Variants in LMNTD2 observed in about 807,000 individuals in gnomAD.
LMNTD2 encodes the protein lamin tail domain containing 2.
In LMNTD2, 83 loss-of-function variants were observed where a neutral mutation model predicts 70.1. That is an observed-to-expected ratio of 1.18 (90% CI 0.99 to 1.42). LMNTD2 has a LOEUF of 1.42. Ranked by LOEUF, LMNTD2 falls within the 40% of genes most tolerant of loss-of-function variation. The pLI is 0.00. For missense variants in LMNTD2, 1,153 were observed against 905.9 expected, an observed-to-expected ratio of 1.27 and a Z score of -3.50; for synonymous variants, 534 against 406.1, an observed-to-expected ratio of 1.31 and a Z score of -3.79.
At position 554,985 on chromosome 11, in the gene LMNTD2, C is replaced by T; in HGVS notation, c.1900G>A (p.Ala634Thr). The T allele has an allele frequency of 6.3e-7, 1 of 1,580,064 alleles. No individual in the cohort carries two copies. The highest frequency in any genetic ancestry group is 8.6e-7 in the Non-Finnish European group (1 of 1,167,018). ...CCGGCCCCACTCCTCCGCCCCTAGGCGCCGCGGCAGGTGTCCGCGGTGACC... is the reference window on the plus strand; with the variant it reads ...CCGGCCCCACTCCTCCGCCCCTAGGTGCCGCGGCAGGTGTCCGCGGTGACC... ...LPVTADTCRG[A>T] Residue 634 changes from alanine to threonine, a missense_variant, in exon 14 of 14, where the codon GCC (alanine) becomes ACC (threonine). Physicochemically the swap from Ala to Thr is moderately conservative, Grantham distance 58 (BLOSUM62 0). Transcript: ENST00000329451.
In LMNTD2 at chr11:556,050, A is replaced by G. The variant is rs781579441; in HGVS notation, c.1323T>C (p.Val441=). Residue 441 remains valine (V), a synonymous_variant, in exon 11 of 14, where the codon GTT becomes GTC. Transcript: ENST00000329451. Reference sequence around the variant, plus strand: ...CGCAGCCGCGGATGGAGAGGAGGGGAACGGGCTCCCGGCTCGAGGACGCGC... The same window carrying G: ...CGCAGCCGCGGATGGAGAGGAGGGGGACGGGCTCCCGGCTCGAGGACGCGC... ...PLRASSSREP[V]PLLSIRGCAT... is the part of the protein sequence containing the mutation. The G allele has an allele frequency of 3.9e-6, 6 of 1,552,646 alleles. No individual in the cohort carries two copies. Among genetic ancestry groups the G allele is most frequent in the Non-Finnish European group, 5.2e-6 (6 of 1,160,208 alleles).
At chr11:560,267 G>A (rs948502095) in intron 1 of LMNTD2, 6 of 1,010,068 alleles carry the variant, frequency 5.9e-6, no homozygotes, top group Non-Finnish European at 7.1e-6. Context: ...GGCCCTGGGC[G>A]GGACAGTAGG....
Position 555,077 on chromosome 11 carries a change from AG to A in LMNTD2, c.1807del (p.Leu603TrpfsTer69). 3 of 1,559,360 alleles carry A rather than the reference AG, an allele frequency of 1.9e-6. No homozygotes were observed. Among genetic ancestry groups the A allele is most frequent in the Non-Finnish European group, 8.6e-7 (1 of 1,156,240 alleles). On this transcript the variant is annotated frameshift_variant, in exon 14 of 14. Coordinates refer to ENST00000329451, the MANE Select transcript of LMNTD2 (RefSeq NM_173573.3). LOFTEE classifies it low-confidence loss of function (END_TRUNC). ...CGTGTTCTGCACCGACAGGGCCACC[AG>A]GGGGCAGCTACGGTCCACGCTCTTC... is the stretch of plus-strand genomic sequence containing the variant. ...CRKSVDRSCP[L>X]VALSVQNTAE...
rs1454621781 is a variant in LMNTD2, at chr11:556,432, C to T, written c.1074-57G>A. ...CGGCCGGTCCACCCGCACAGCTGCG[C>T]GCCCCGCCCGGAAACCAGCTCCAGT... On this transcript the variant is annotated intron_variant, in intron 9 of 13. Coordinates refer to ENST00000329451, the MANE Select transcript of LMNTD2 (RefSeq NM_173573.3). The T allele has an allele frequency of 3.9e-6, 6 of 1,545,150 alleles. No homozygotes were observed. The East Asian group carries it at 1.2e-4, about 32-fold the overall frequency.
In LMNTD2 at chr11:556,344, A is replaced by C; in HGVS notation, c.1105T>G (p.Cys369Gly). The C allele has an allele frequency of 6.5e-7, 1 of 1,536,036 alleles. No homozygotes were observed. Residue 369 changes from cysteine to glycine, a missense_variant, in exon 10 of 14, where the codon TGC (cysteine) becomes GGC (glycine). By Grantham distance (159) the Cys-to-Gly change is radical. Transcript: ENST00000329451. ...AAGATGCGGACGAACTTCTCCCGGC[A>C]GCTCACAGCCACGATCTTCAGGCCT... is the stretch of plus-strand genomic sequence containing the variant. ...PTGLKIVAVS[C>G]REKFVRIFNP...
At chr11:558,816 C>G in intron 2 of LMNTD2, 40 bp downstream of exon 2, 1 of 1,596,610 alleles carries the variant, frequency 6.3e-7, no homozygotes, top group Non-Finnish European at 8.6e-7. Flanking sequence ...CCCTGGCCAC[C>G]TGGCCCAGGA....
Position 558,732 on chromosome 11 carries a change from G to A in LMNTD2, c.193C>T (p.Arg65Trp), listed in dbSNP as rs761856249. 4.8e-5 allele frequency: 77 copies of A among 1,608,260 alleles called. No individual in the cohort carries two copies. Among genetic ancestry groups the A allele is most frequent in the Non-Finnish European group, 2.7e-5 (32 of 1,178,148 alleles). The change falls in exon 3 of 14, where the codon CGG (arginine) becomes TGG (tryptophan). Residue 65 changes from arginine (R) to tryptophan (W), a missense_variant. Physicochemically the swap from Arg to Trp is moderately radical, Grantham distance 101 (BLOSUM62 -3). Transcript: ENST00000329451. ...AGTTCTCGCTGTCTCCACAGCAGCCGCAGTGTGCGAGGGTCCAGGGACTCA... is the reference window on the plus strand; with the variant it reads ...AGTTCTCGCTGTCTCCACAGCAGCCACAGTGTGCGAGGGTCCAGGGACTCA... ...ALESLDPRTLRLLWRQRELEI... is the reference protein window; with the variant it reads ...ALESLDPRTLWLLWRQRELEI...
rs373453237 is a variant in LMNTD2 at position 557,470 on chromosome 11, G to C, written c.642C>G (p.Asp214Glu). ...APTGEGFRLE[D>E]VDWNSVARRY... ...GGCGGGCAACGCTGTTCCAATCCAC[G>C]TCCTCCAGCCGAAAGCCCTGGCCAG... Residue 214 changes from aspartate to glutamate, a missense_variant, in exon 7 of 14, where the codon GAC becomes GAG. Asp to Glu is a conservative substitution (Grantham distance 45, BLOSUM62 2). Coordinates refer to ENST00000329451, the MANE Select transcript of LMNTD2 (RefSeq NM_173573.3). 6.2e-7 allele frequency: 1 copy of C among 1,611,174 alleles called. No homozygotes were observed. The highest frequency in any genetic ancestry group is 8.5e-7 in the Non-Finnish European group (1 of 1,178,860).
chr11:555,666 G>A (rs573848532), intron 12 of LMNTD2, 68 bp downstream of exon 12: 4 of 1,333,306 alleles, frequency 3.0e-6, no homozygotes, highest in African/African-American at 3.1e-5. Context: ...GAGGGGATAC[G>A]AGGGACCGTT....
chr11:558,402 G>T, intron 3 of LMNTD2, 154 bp from the exon 4 acceptor site: 2 of 1,085,146 alleles, frequency 1.8e-6, no homozygotes, highest in Non-Finnish European at 2.6e-6. Flanking sequence ...CCAGCCTCCG[G>T]CTGGTCTGGA....
At chr11:559,314 C>G (rs1212202585) in intron 1 of LMNTD2, 3 of 1,399,636 alleles carry the variant, frequency 2.1e-6, no homozygotes, top group Non-Finnish European at 2.9e-6. Context: ...CTCTCTTGTC[C>G]CCCCAGCTCA....
rs775969063 is a variant in LMNTD2 at position 557,583 on chromosome 11, G to A, written c.613C>T (p.Pro205Ser). The change falls in exon 6 of 14, where the codon CCC becomes TCC. Residue 205 changes from proline to serine, a missense_variant. Physicochemically the swap from Pro to Ser is moderately conservative, Grantham distance 74. Transcript: ENST00000329451. ...GAGGCCTAGCTCACCTCCCCGGTGG[G>A]GGCCTGAATGTTTTCAGAGAGGTCG... ...PSDLSENIQA[P>S]TGEGFRLEDV... 78 of 1,613,340 alleles carry A rather than the reference G, an allele frequency of 4.8e-5. No homozygotes were observed. The highest frequency in any genetic ancestry group is 1.3e-4 in the South Asian group (12 of 91,076).
At position 556,489 on chromosome 11, in the gene LMNTD2, T is replaced by TA; in HGVS notation, c.1073+2dup. 1 of 1,550,822 alleles carries TA rather than the reference T, an allele frequency of 6.4e-7. No homozygotes were observed. The highest frequency in any genetic ancestry group is 2.0e-5 in the Admixed American group (1 of 51,074). On this transcript the variant is annotated splice_region_variant and intron_variant, in intron 9 of 13. Transcript: ENST00000329451. ...CCGGAGGCTTGGGTCACTCGCCCCT[T>TA]ACCTCTGCAGGAGTTCCGGGCTCCA... is the stretch of plus-strand genomic sequence containing the variant.
In LMNTD2 at chr11:557,557, G is replaced by C. The variant is rs1476170971; in HGVS notation, c.624+15C>G. 2 of 1,613,438 alleles carry C rather than the reference G, an allele frequency of 1.2e-6. No homozygotes were observed. The highest frequency in any genetic ancestry group is 1.7e-5 in the Admixed American group (1 of 60,020). ...CTCCAGATACCAGACCACACACGTG[G>C]GAGGCCTAGCTCACCTCCCCGGTGG... On this transcript the variant is annotated intron_variant, in intron 6 of 13. Coordinates refer to ENST00000329451, the MANE Select transcript of LMNTD2 (RefSeq NM_173573.3).
chr11:558,158 C>T lies in LMNTD2; in HGVS notation c.399+3G>A. On this transcript the variant is annotated splice_donor_region_variant and intron_variant, in intron 4 of 13. Coordinates refer to ENST00000329451, the MANE Select transcript of LMNTD2 (RefSeq NM_173573.3). ...CTGCCCACTCCCTGTGCCCCTGCCTCACCCACTGGGCTCGCTCCTTCTGTT... is the reference window on the plus strand; with the variant it reads ...CTGCCCACTCCCTGTGCCCCTGCCTTACCCACTGGGCTCGCTCCTTCTGTT... The T allele has an allele frequency of 1.2e-6, 2 of 1,613,302 alleles. No homozygotes were observed. The highest frequency in any genetic ancestry group is 2.2e-5 in the East Asian group (1 of 44,886).
intron 13 of LMNTD2, 60 bp downstream of exon 13, chr11:555,216 CGAGGAGACAGAGGGGAGGGAGGGGCGGGA>C: frequency 1.6e-6 from 1 of 607,266 alleles, no homozygotes; most frequent in Non-Finnish European, 2.1e-6. Flanking sequence ...GGGGAGGGGA[CGAGGAGACAGAGGGGAGGGAGGGGCGGGA>C]GAGGAGAGGA....
intron 12 of LMNTD2, 39 bp from the exon 13 acceptor site, chr11:555,542 G>A (rs1332773920): frequency 3.0e-6 from 4 of 1,329,980 alleles, no homozygotes; most frequent in East Asian, 3.1e-5. Context: ...GGCCGGCCCG[G>A]GAAAGGCGGC....
At chr11:560,536 G>A (rs1409312805) in intron 1 of LMNTD2, 147 bp downstream of exon 1, 6 of 1,277,918 alleles carry the variant, frequency 4.7e-6, no homozygotes, top group Non-Finnish European at 6.0e-6. Context: ...AGGCTGGCCC[G>A]GGAAGCGAGG....
At chr11:556,717 GAA>G in intron 8 of LMNTD2, 116 bp downstream of exon 8, 1 of 1,425,460 alleles carries the variant, frequency 7.0e-7, no homozygotes, top group Non-Finnish European at 9.2e-7. Flanking sequence ...GATGGGGCAG[GAA>G]AGGTGGCTGG....
Sources: gnomAD v4.1 joint callset for allele counts on GRCh38, gnomAD v4.1.1 for gene constraint, MANE v1.5 for transcripts, NCBI Gene and HGNC (gene_info 2026-07-23, HGNC 2026-07-21) for gene names.